ELMO1: variants seen among roughly 807,000 people sequenced by gnomAD.
ELMO1 encodes engulfment and cell motility protein 1.
ELMO1 carries 26 observed loss-of-function variants against 98.9 expected under a neutral mutation model. The ratio of observed to expected loss-of-function variants is 0.26; its 90% CI spans 0.19 to 0.36. The LOEUF (loss-of-function observed/expected upper bound fraction) is 0.36, where lower values mean the gene tolerates loss of function less well. ELMO1 is among the 10% of genes least tolerant of loss of function. The pLI is 1.00. For missense variants in ELMO1, 627 were observed against 935.2 expected (o/e 0.67, Z 4.30); for synonymous variants, 346 against 346.0 (o/e 1.00, Z 0.00).
chr7:37,433,309 T>A (rs1805009489), intron 1 of ELMO1, among the ~76,000 whole-genome samples: 1 of 152,212 alleles, frequency 6.6e-6, no homozygotes, highest in Non-Finnish European at 1.5e-5. Flanking sequence ...ACACCTGCCG[T>A]GAGCCCTCCA....
At chr7:37,301,591 A>C (rs1371488637) in intron 4 of ELMO1, among the ~76,000 whole-genome samples, 1 of 118,908 alleles carries the variant, frequency 8.4e-6, no homozygotes, top group Non-Finnish European at 1.6e-5. Context: ...TCTCAGTCAA[A>C]GCACCAAGAA....
chr7:37,011,998 C>A (rs902926079), intron 16 of ELMO1, among the ~76,000 whole-genome samples: 5 of 152,300 alleles, frequency 3.3e-5, no homozygotes, highest in African/African-American at 1.2e-4. Flanking sequence ...TGTCCTCCGG[C>A]ATAGCTGCTC....
At chr7:37,313,349 C>G (rs35589157) in intron 4 of ELMO1, among the ~76,000 whole-genome samples, 1 of 152,102 alleles carries the variant, frequency 6.6e-6, no homozygotes, top group East Asian at 1.9e-4. Flanking sequence ...CTCAGCTTCC[C>G]GAACAGCTTG....
chr7:37,356,708 G>T (rs1269890803), intron 1 of ELMO1, among the ~76,000 whole-genome samples: 2 of 151,184 alleles, frequency 1.3e-5, no homozygotes, highest in African/African-American at 2.4e-5. Context: ...GTGTATACCT[G>T]TGTAACAAAC....
intron 14 of ELMO1, among the ~76,000 whole-genome samples, chr7:37,097,115 A>C (rs1784400855): frequency 6.6e-6 from 1 of 152,164 alleles, no homozygotes; most frequent in Admixed American, 6.5e-5. Context: ...CTCAAACTTC[A>C]ATAGGATATT....
At chr7:37,362,756 T>C (rs886087081) in intron 1 of ELMO1, among the ~76,000 whole-genome samples, 9 of 152,136 alleles carry the variant, frequency 5.9e-5, no homozygotes, top group African/African-American at 1.9e-4. Context: ...CATTAGAAAA[T>C]GGCTTTGTGG....
At chr7:36,914,170 C>T (rs374750123) in intron 16 of ELMO1, among the ~76,000 whole-genome samples, 6 of 152,328 alleles carry the variant, frequency 3.9e-5, no homozygotes, top group Middle Eastern at 3.4e-3. Flanking sequence ...ACCCTGCTTA[C>T]TTCCATGAAT....
chr7:37,234,586 T>G (rs114518992), intron 7 of ELMO1, among the ~76,000 whole-genome samples: 1 of 152,300 alleles, frequency 6.6e-6, no homozygotes, highest in African/African-American at 2.4e-5. Flanking sequence ...AGGTAGTTTG[T>G]GGAGTCAGAC....
intron 16 of ELMO1, among the ~76,000 whole-genome samples, chr7:36,957,988 T>A (rs1354443717): frequency 6.6e-6 from 1 of 152,188 alleles, no homozygotes; most frequent in Non-Finnish European, 1.5e-5. Flanking sequence ...AACTTACTAC[T>A]GTCTTTGTAA....
chr7:37,337,633 A>G (rs572125305), intron 2 of ELMO1, among the ~76,000 whole-genome samples: 3 of 152,324 alleles, frequency 2.0e-5, no homozygotes, highest in African/African-American at 7.2e-5. Context: ...GCAGTAGAAA[A>G]AGCAAAACAA....
chr7:37,006,759 T>C (rs1488596300), intron 16 of ELMO1, among the ~76,000 whole-genome samples: 4 of 152,220 alleles, frequency 2.6e-5, no homozygotes, highest in African/African-American at 7.2e-5. Flanking sequence ...GGAGAAATAT[T>C]GCTCTGTACC....
chr7:36,905,676 T>G (rs762711739), intron 16 of ELMO1, among the ~76,000 whole-genome samples: 15 of 152,218 alleles, frequency 9.9e-5, no homozygotes, highest in Non-Finnish European at 1.5e-5. Flanking sequence ...AAGGAGTCAG[T>G]GGTCACTGTG....
chr7:37,337,825 G>C, intron 2 of ELMO1, among the ~76,000 whole-genome samples: 1 of 152,094 alleles, frequency 6.6e-6, no homozygotes, highest in East Asian at 1.9e-4. Flanking sequence ...TTTATGCAGG[G>C]AACAGAAAAG....
chr7:37,307,629 T>A (rs1454467018), intron 4 of ELMO1, among the ~76,000 whole-genome samples: 3 of 152,218 alleles, frequency 2.0e-5, no homozygotes, highest in Non-Finnish European at 4.4e-5. Context: ...GATATCACTT[T>A]GGAAATAAAT....
At chr7:37,281,914 C>A (rs1797159048) in intron 4 of ELMO1, among the ~76,000 whole-genome samples, 1 of 152,260 alleles carries the variant, frequency 6.6e-6, no homozygotes, top group South Asian at 2.1e-4. Flanking sequence ...CAGCCAAAGC[C>A]CTGCTGTCAT....
chr7:37,331,359 A>ATTTTTTTGTTTTTTTTTTT (rs1313323233), intron 2 of ELMO1, among the ~76,000 whole-genome samples: 1 of 81,446 alleles, frequency 1.2e-5, no homozygotes, highest in Non-Finnish European at 2.3e-5. Context: ...TTTTTTTGGA[A>ATTTTTTTGTTTTTTTTTTT]TTTTAGTAGA....
chr7:37,304,354 TGTGTGTGTGC>T (rs1488706238), intron 4 of ELMO1, among the ~76,000 whole-genome samples: 1 of 152,022 alleles, frequency 6.6e-6, no homozygotes, highest in Non-Finnish European at 1.5e-5. Context: ...TGTGAGGGTG[TGTGTGTGTGC>T]GTGTGTGTGT....
intron 1 of ELMO1, among the ~76,000 whole-genome samples, chr7:37,383,561 T>G (rs2131393272): frequency 6.6e-6 from 1 of 152,364 alleles, no homozygotes; most frequent in South Asian, 2.1e-4. Flanking sequence ...AAACATTTCA[T>G]AAATGAGCAC....
At chr7:37,183,666 A>G (rs1278511838) in intron 13 of ELMO1, among the ~76,000 whole-genome samples, 1 of 152,158 alleles carries the variant, frequency 6.6e-6, no homozygotes, top group Non-Finnish European at 1.5e-5. Context: ...GAAGGGCCAT[A>G]GTCTATGTCC....
Sources: allele counts gnomAD v4.1 joint callset (sites outside exome capture counted in the v4.1 genomes callset), GRCh38; gene constraint gnomAD v4.1.1; transcripts MANE v1.5; gene names NCBI Gene and HGNC (gene_info 2026-07-23, HGNC 2026-07-21).